The following FAT1 variants were observed in gnomAD, a reference collection of about 807,000 sequenced individuals.
FAT1 encodes FAT atypical cadherin 1.
In FAT1, 171 loss-of-function variants were observed where a neutral mutation model predicts 329.8. The ratio of observed to expected loss-of-function variants is 0.52; its 90% confidence interval spans 0.46 to 0.59. The LOEUF is 0.59. Ranked by LOEUF, FAT1 falls within the 20% of genes least tolerant of loss-of-function variation. The pLI is 0.00. For synonymous variants in FAT1, 2,233 were observed against 2,228.6 expected (o/e 1.00, Z -0.06); for missense variants, 5,672 against 5,774.4 (o/e 0.98, Z 0.57).
At chr4:186,642,509 AGAGT>A (rs1741147990) in intron 3 of FAT1, among the ~76,000 whole-genome samples, 1 of 152,234 alleles carries the variant, frequency 6.6e-6, no homozygotes, top group African/African-American at 2.4e-5. Flanking sequence ...AATATGTGCT[AGAGT>A]GAGAGAGATA....
rs755277670 is a variant in FAT1 at position 186,599,888 on chromosome 4, C to T, written c.12103+10G>A. ...CAGCATTTTAAAGATGGCAACATTA[C>T]GGAGCCCACCTCCAGCAGGTGACGG... On this transcript the variant is annotated intron_variant, in intron 22 of 26. Transcript: ENST00000441802. 12 of 1,599,838 alleles carry T rather than the reference C, an allele frequency of 7.5e-6. No individual in the cohort carries two copies. Among genetic ancestry groups the T allele is most frequent in the African/African-American group, 1.3e-5 (1 of 74,390 alleles).
At position 186,611,766 on chromosome 4, in the gene FAT1, C is replaced by T. The variant is rs375298469; in HGVS notation, c.9473G>A (p.Arg3158Gln). The T allele has an allele frequency of 1.3e-5, 21 of 1,562,362 alleles. No homozygotes were observed. The highest frequency in any genetic ancestry group is 6.8e-5 in the African/African-American group (5 of 73,160). ...QATDADAGLNRKILYSLIDSA... is the reference protein window; with the variant it reads ...QATDADAGLNQKILYSLIDSA... ...GTCAATCAGTGAGTATAAAATCTTC[C>T]GATTTAATCCTATGAAGACATAAAA... Residue 3158 changes from arginine to glutamine, a missense_variant, in exon 14 of 27, where the codon CGG becomes CAG. Around this residue, in one of 2 missense-constraint regions of FAT1, gnomAD observed 1,706 missense variants for 1,859.1 expected, o/e 0.92. Transcript: ENST00000441802.
intron 26 of FAT1, among the ~76,000 whole-genome samples, chr4:186,592,226 T>C (rs935306481): frequency 4.6e-5 from 7 of 152,216 alleles, no homozygotes; most frequent in Admixed American, 4.6e-4. Flanking sequence ...ATTAAATAAT[T>C]TTCACTAAAC....
intron 2 of FAT1, among the ~76,000 whole-genome samples, chr4:186,682,638 T>C (rs930131729): frequency 2.6e-5 from 4 of 152,144 alleles, no homozygotes; most frequent in Non-Finnish European, 5.9e-5. Flanking sequence ...CTTTTAATGA[T>C]TTGTTTTTAA....
At chr4:186,626,964 G>T (rs1192839696) in intron 9 of FAT1, among the ~76,000 whole-genome samples, 4 of 98,704 alleles carry the variant, frequency 4.1e-5, no homozygotes, top group Non-Finnish European at 7.7e-5. Context: ...ATGAATGAGG[G>T]ACCAACATGG....
chr4:186,697,470 G>A (rs1262625983), intron 2 of FAT1, among the ~76,000 whole-genome samples: 5 of 152,158 alleles, frequency 3.3e-5, no homozygotes, highest in South Asian at 2.1e-4. Context: ...TATTTGTGCC[G>A]TATGCCTCAA....
At chr4:186,604,653 CTATAA>C (rs1739006948) in intron 17 of FAT1, 79 bp from the exon 18 acceptor site, 1 of 892,990 alleles carries the variant, frequency 1.1e-6, no homozygotes, top group African/African-American at 1.7e-5. Context: ...CATGAGTTTT[CTATAA>C]TATAAAATAC....
chr4:186,590,296 G>T, intron 26 of FAT1: 2 of 993,096 alleles, frequency 2.0e-6, no homozygotes, highest in Non-Finnish European at 2.8e-6. Context: ...AGCGTAGTCA[G>T]TCAGCACTGG....
At chr4:186,661,197 G>A (rs943350826) in intron 3 of FAT1, among the ~76,000 whole-genome samples, 1 of 152,130 alleles carries the variant, frequency 6.6e-6, no homozygotes, top group Non-Finnish European at 1.5e-5. Flanking sequence ...TTAGTCTTTG[G>A]TTATAATGTT....
chr4:186,607,089 C>G (rs551035934), intron 16 of FAT1, among the ~76,000 whole-genome samples: 1 of 152,302 alleles, frequency 6.6e-6, no homozygotes, highest in African/African-American at 2.4e-5. Flanking sequence ...TTAGAAAGTC[C>G]CTTCTCAACA....
intron 2 of FAT1, among the ~76,000 whole-genome samples, chr4:186,698,908 C>A (rs752113059): frequency 6.6e-6 from 1 of 152,212 alleles, no homozygotes; most frequent in Non-Finnish European, 1.5e-5. Flanking sequence ...TCAACTGGCA[C>A]GCGCTACTTT....
intron 2 of FAT1, among the ~76,000 whole-genome samples, chr4:186,698,532 G>GT (rs545970996): frequency 1.6e-4 from 25 of 152,226 alleles, no homozygotes; most frequent in Non-Finnish European, 2.9e-4. Flanking sequence ...ACAGCTCCAC[G>GT]TAACGAAGAG....
At chr4:186,693,377 G>A (rs1230100880) in intron 2 of FAT1, among the ~76,000 whole-genome samples, 1 of 104,258 alleles carries the variant, frequency 9.6e-6, no homozygotes, top group Non-Finnish European at 1.9e-5. Flanking sequence ...CTGGATGAAC[G>A]AACTGTGTCA....
In FAT1 at chr4:186,668,881, T is replaced by G. The variant is rs187434454; in HGVS notation, c.3266-5268A>C. Among the ~76,000 whole-genome samples, 566 of 152,270 alleles carry G rather than the reference T, an allele frequency of 3.7e-3. 2 individuals are homozygous for G. The highest frequency in any genetic ancestry group is 0.022 in the South Asian group (108 of 4,814). On this transcript the variant is annotated intron_variant, in intron 2 of 26. Transcript: ENST00000441802. ...AGTCATCACTGGATGTGAATCAAAC[T>G]GTGGTCACTCTCAAACCTCTATCCC...
intron 3 of FAT1, among the ~76,000 whole-genome samples, chr4:186,643,696 C>A (rs1177773943): frequency 6.6e-6 from 1 of 152,062 alleles, no homozygotes; most frequent in African/African-American, 2.4e-5. Context: ...GCTACCCGAA[C>A]CCCCTGCACT....
chr4:186,611,542 G>A lies in FAT1; in HGVS notation c.9697C>T (p.Arg3233Cys), dbSNP rs200230570. 171 of 1,613,700 alleles carry A rather than the reference G, an allele frequency of 1.1e-4. No homozygotes were observed. Among genetic ancestry groups the A allele is most frequent in the Admixed American group, 2.7e-4 (16 of 59,980 alleles). Residue 3233 changes from arginine (R) to cysteine (C), a missense_variant, in exon 14 of 27, where the codon CGT becomes TGT. Physicochemically the swap from Arg to Cys is radical, Grantham distance 180. Coordinates refer to ENST00000441802, the MANE Select transcript of FAT1 (RefSeq NM_005245.4). ...INDNPPVFEY[R>C]EYGATVSEDI... Reference sequence around the variant, plus strand: ...TCAGACACGGTGGCACCATATTCACGGTACTCAAACACAGGGGGGTTGTCA... The same window carrying A: ...TCAGACACGGTGGCACCATATTCACAGTACTCAAACACAGGGGGGTTGTCA...
At position 186,682,567 on chromosome 4, in the gene FAT1, A is replaced by G. The variant is rs116155203; in HGVS notation, c.3266-18954T>C. Among the ~76,000 whole-genome samples the G allele has an allele frequency of 5.7e-3, 860 of 150,348 alleles. 13 individuals are homozygous for G. Among genetic ancestry groups the G allele is most frequent in the African/African-American group, 0.02 (822 of 40,628 alleles). On this transcript the variant is annotated intron_variant, in intron 2 of 26. Coordinates refer to ENST00000441802, the MANE Select transcript of FAT1 (RefSeq NM_005245.4). ...AAAGAAAGTTGTAAATGTTTCTAAC[A>G]TGATGCGTATGCATGAAGACAGACT... is the stretch of plus-strand genomic sequence containing the variant.
chr4:186,718,426 T>C (rs143836213), intron 1 of FAT1, among the ~76,000 whole-genome samples: 6,247 of 152,218 alleles, frequency 0.041, 182 homozygotes, highest in Non-Finnish European at 0.068. Context: ...CCCAGTACTT[T>C]GGGAGGCTGA....
Position 186,609,842 on chromosome 4 carries a change from C to G in FAT1, c.10027G>C (p.Val3343Leu), listed in dbSNP as rs747787016. 5.0e-6 allele frequency: 8 copies of G among 1,613,750 alleles called. No individual in the cohort carries two copies. The highest frequency in any genetic ancestry group is 1.6e-4 in the Middle Eastern group (1 of 6,084). The change falls in exon 15 of 27, where the codon GTC becomes CTC. Residue 3343 changes from valine to leucine, a missense_variant. This residue lies in a region of FAT1 where 1,706 missense variants were observed against 1,859.1 expected (regional missense o/e 0.92). Coordinates refer to ENST00000441802, the MANE Select transcript of FAT1 (RefSeq NM_005245.4). ...PVFSQDTYTT[V>L]ISEDAVLEQS... Reference sequence around the variant, plus strand: ...TCAAGAACGGCATCTTCACTGATGACTGTCGTGTAGGTGTCTTGGCTGAAC... The same window carrying G: ...TCAAGAACGGCATCTTCACTGATGAGTGTCGTGTAGGTGTCTTGGCTGAAC...
Sources: allele counts gnomAD v4.1 joint callset (sites outside exome capture counted in the v4.1 genomes callset), GRCh38; gene constraint gnomAD v4.1.1; regional missense constraint gnomAD v4.1.1; transcripts MANE v1.5; gene names NCBI Gene and HGNC (gene_info 2026-07-23, HGNC 2026-07-21).